Variants in C8orf34 observed in about 807,000 individuals in gnomAD.
C8orf34 encodes chromosome 8 open reading frame 34, also known as uncharacterized protein C8orf34.
C8orf34 carries 65 observed loss-of-function variants against 68.3 expected under a neutral mutation model. That is an observed-to-expected ratio of 0.95 (90% CI 0.78 to 1.17). C8orf34 has a LOEUF of 1.17. C8orf34 is among the 50% of genes most tolerant of loss of function. The pLI is 0.00. For synonymous variants in C8orf34, 244 were observed against 241.2 expected (o/e 1.01, Z -0.11); for missense variants, 664 against 655.4 (o/e 1.01, Z -0.14).
intron 9 of C8orf34, among the ~76,000 whole-genome samples, chr8:68,713,502 G>T (rs1029464440): frequency 6.6e-6 from 1 of 152,034 alleles, no homozygotes; most frequent in Admixed American, 6.6e-5. Flanking sequence ...AAACGCAAAA[G>T]ATTATTCAAG....
At chr8:68,752,378 G>T (rs556289995) in intron 10 of C8orf34, among the ~76,000 whole-genome samples, 1 of 152,252 alleles carries the variant, frequency 6.6e-6, no homozygotes, top group African/African-American at 2.4e-5. Context: ...CCTTCCCTTT[G>T]ACCTGGTTCT....
At chr8:68,513,575 A>T (rs2129633520) in intron 5 of C8orf34, among the ~76,000 whole-genome samples, 1 of 151,654 alleles carries the variant, frequency 6.6e-6, no homozygotes, top group East Asian at 1.9e-4. Flanking sequence ...TAAAAGGAAT[A>T]AAAAATAAAA....
chr8:68,721,595 T>C (rs1186936621), intron 10 of C8orf34, among the ~76,000 whole-genome samples, 158 bp downstream of exon 10: 1 of 151,858 alleles, frequency 6.6e-6, no homozygotes, highest in Non-Finnish European at 1.5e-5. Flanking sequence ...TTGAACTAGA[T>C]GGGAAAAGTG....
chr8:68,476,629 G>T (rs186641005), intron 4 of C8orf34, among the ~76,000 whole-genome samples: 1 of 152,290 alleles, frequency 6.6e-6, no homozygotes, highest in East Asian at 1.9e-4. Flanking sequence ...ATGCCCTACA[G>T]GGTCTGTATT....
intron 8 of C8orf34, among the ~76,000 whole-genome samples, chr8:68,657,435 T>C (rs939853716): frequency 2.6e-5 from 4 of 152,216 alleles, no homozygotes; most frequent in African/African-American, 9.6e-5. Flanking sequence ...AGGCACTCTC[T>C]ATAAGGAACA....
At chr8:68,356,844 T>A (rs562215449) in intron 1 of C8orf34, among the ~76,000 whole-genome samples, 88 of 152,232 alleles carry the variant, frequency 5.8e-4, no homozygotes, top group Admixed American at 7.2e-4. Context: ...AGATTCCTTT[T>A]GAGGTATAGC....
chr8:68,382,403 T>C (rs999548840), intron 1 of C8orf34, among the ~76,000 whole-genome samples: 1 of 152,228 alleles, frequency 6.6e-6, no homozygotes, highest in Admixed American at 6.5e-5. Flanking sequence ...TACAATGAAC[T>C]AAAGTAAATT....
intron 11 of C8orf34, among the ~76,000 whole-genome samples, chr8:68,782,673 T>C (rs1823713985): frequency 6.6e-6 from 1 of 152,230 alleles, no homozygotes; most frequent in Non-Finnish European, 1.5e-5. Context: ...CCATCTCTCC[T>C]ATGATAGGAG....
intron 3 of C8orf34, among the ~76,000 whole-genome samples, chr8:68,452,522 T>A (rs1472327475): frequency 6.6e-6 from 1 of 151,598 alleles, no homozygotes; most frequent in Non-Finnish European, 1.5e-5. Context: ...AGGTTAATAG[T>A]TTTGAGCATC....
intron 1 of C8orf34, among the ~76,000 whole-genome samples, chr8:68,429,915 C>T (rs865920703): frequency 7.9e-5 from 12 of 152,230 alleles, no homozygotes; most frequent in East Asian, 5.8e-4. Context: ...GTTCCTGACA[C>T]GTAGAACCTA....
Position 68,330,990 on chromosome 8 carries a change from G to T in C8orf34, c.-23G>T. 1.4e-6 allele frequency: 2 copies of T among 1,383,022 alleles called. No homozygotes were observed. Among genetic ancestry groups the T allele is most frequent in the Non-Finnish European group, 1.9e-6 (2 of 1,077,328 alleles). The allele number at this position is 1,383,022 out of a possible 1,614,324, so 85.7% of individuals were successfully genotyped here. A position where few individuals can be genotyped will look rare whatever the true frequency, so the allele number is the denominator to read the frequency against. On this transcript the variant is annotated 5_prime_UTR_variant, in exon 1 of 14. Coordinates refer to ENST00000518698, the MANE Select transcript of C8orf34 (RefSeq NM_052958.4). ...GCGCTGCGGAGAGCGGCGAGGGTGG[G>T]CGCGAGGCGGAGAACGCGATGAATG...
At chr8:68,509,926 C>T (rs1446355663) in intron 5 of C8orf34, among the ~76,000 whole-genome samples, 1 of 152,136 alleles carries the variant, frequency 6.6e-6, no homozygotes, top group Non-Finnish European at 1.5e-5. Context: ...CCTATCTCCC[C>T]TGCTGTCGGT....
At chr8:68,759,564 A>G (rs1822967766) in intron 10 of C8orf34, among the ~76,000 whole-genome samples, 1 of 152,214 alleles carries the variant, frequency 6.6e-6, no homozygotes, top group Admixed American at 6.5e-5. Context: ...AGAATTACAG[A>G]ATGCCAAGAA....
At chr8:68,795,675 C>CTCT (rs1824158740) in intron 12 of C8orf34, among the ~76,000 whole-genome samples, 1 of 152,134 alleles carries the variant, frequency 6.6e-6, no homozygotes, top group Non-Finnish European at 1.5e-5. Flanking sequence ...ACTCTGCTTC[C>CTCT]ACAGAGCCTC....
chr8:68,585,865 G>A (rs1049667289), intron 7 of C8orf34, among the ~76,000 whole-genome samples: 6 of 152,160 alleles, frequency 3.9e-5, no homozygotes, highest in South Asian at 4.2e-4. Flanking sequence ...AGACCCAAGC[G>A]GAGGCCACAA....
intron 7 of C8orf34, chr8:68,534,371 A>G (rs1413876516): frequency 1.0e-6 from 1 of 968,398 alleles, no homozygotes; most frequent in Non-Finnish European, 1.2e-6. Context: ...TTTACTGAGC[A>G]CTTACTCTAT....
At chr8:68,716,841 G>T (rs946382350) in intron 9 of C8orf34, among the ~76,000 whole-genome samples, 6 of 151,884 alleles carry the variant, frequency 4.0e-5, no homozygotes, top group Non-Finnish European at 5.9e-5. Context: ...GTATGTTCAT[G>T]GATAGGGAAA....
chr8:68,728,313 C>T (rs780568247), intron 10 of C8orf34, among the ~76,000 whole-genome samples: 21 of 152,282 alleles, frequency 1.4e-4, no homozygotes, highest in Admixed American at 1.2e-3. Context: ...TTTTCCATGT[C>T]GCTATCAGCA....
chr8:68,400,636 C>T (rs112841050), intron 1 of C8orf34, among the ~76,000 whole-genome samples: 1 of 152,254 alleles, frequency 6.6e-6, no homozygotes, highest in African/African-American at 2.4e-5. Context: ...TCTTAGCTCA[C>T]AGCAGCCTCC....
Sources: allele counts gnomAD v4.1 joint callset (sites outside exome capture counted in the v4.1 genomes callset), GRCh38; gene constraint gnomAD v4.1.1; transcripts MANE v1.5; gene names NCBI Gene and HGNC (gene_info 2026-07-23, HGNC 2026-07-21).